ARHGAP26: variants seen among roughly 807,000 people sequenced by gnomAD.
ARHGAP26 encodes Rho GTPase activating protein 26.
A neutral mutation model predicts 104.8 loss-of-function variants in ARHGAP26; 38 were observed. That is an observed-to-expected ratio of 0.36 (90% CI 0.28 to 0.48). The LOEUF (loss-of-function observed/expected upper bound fraction) is 0.48. Among genes scored for constraint, ARHGAP26 ranks in the 20% least tolerant of loss-of-function variants. The pLI is 0.99. For missense variants in ARHGAP26, 704 were observed against 947.9 expected (o/e 0.74, Z 3.38); for synonymous variants, 341 against 340.0 (o/e 1.00, Z -0.03).
At chr5:143,100,525 A>G (rs753921231) in intron 17 of ARHGAP26, among the ~76,000 whole-genome samples, 19 of 152,242 alleles carry the variant, frequency 1.2e-4, no homozygotes, top group Non-Finnish European at 1.9e-4. Context: ...TTACAACTGG[A>G]CATTGTTTCT....
chr5:142,908,457 C>T (rs1018111064), intron 9 of ARHGAP26, among the ~76,000 whole-genome samples: 36 of 152,228 alleles, frequency 2.4e-4, no homozygotes, highest in African/African-American at 8.7e-4. Context: ...TCTGCATACT[C>T]CCAGGGCCTC....
chr5:143,208,734 C>A (rs113371099), intron 21 of ARHGAP26, among the ~76,000 whole-genome samples: 125 of 152,350 alleles, frequency 8.2e-4, no homozygotes, highest in African/African-American at 2.9e-3. Context: ...GCTCCCAGCC[C>A]AGAGCCTGAC....
chr5:142,875,844 G>A (rs376148773), intron 3 of ARHGAP26, among the ~76,000 whole-genome samples: 1 of 152,132 alleles, frequency 6.6e-6, no homozygotes, highest in African/African-American at 2.4e-5. Context: ...GGGCTCAAGC[G>A]ATCCTCCTGC....
At chr5:143,033,940 C>G (rs1248973284) in intron 12 of ARHGAP26, among the ~76,000 whole-genome samples, 2 of 152,176 alleles carry the variant, frequency 1.3e-5, no homozygotes, top group African/African-American at 4.8e-5. Context: ...AAATGCTTTC[C>G]AGTAGGCTCT....
chr5:143,195,221 C>T lies in ARHGAP26; in HGVS notation c.1989-11977C>T, dbSNP rs79126871. Among the ~76,000 whole-genome samples the T allele has an allele frequency of 6.2e-3, 950 of 152,308 alleles. 8 individuals carry two copies. Among genetic ancestry groups the T allele is most frequent in the African/African-American group, 0.022 (916 of 41,558 alleles). On this transcript the variant is annotated intron_variant, in intron 20 of 22. Transcript: ENST00000645722. ...AAGAGTTTAACTTAATCATCCTGGA[C>T]ATTGTCCTTGCAGAAGTGCTGCTTC... is the stretch of plus-strand genomic sequence containing the variant.
intron 9 of ARHGAP26, among the ~76,000 whole-genome samples, chr5:142,910,943 A>G (rs1761747730): frequency 6.6e-6 from 1 of 152,194 alleles, no homozygotes; most frequent in Non-Finnish European, 1.5e-5. Flanking sequence ...ATATCTTTTA[A>G]CCTAGATAAT....
At chr5:143,031,897 A>G (rs193004343) in intron 12 of ARHGAP26, among the ~76,000 whole-genome samples, 33 of 152,198 alleles carry the variant, frequency 2.2e-4, no homozygotes, top group African/African-American at 7.2e-4. Context: ...ATCCTTTTGC[A>G]GTAAGACAGC....
At chr5:143,102,778 C>T (rs1793443275) in intron 17 of ARHGAP26, among the ~76,000 whole-genome samples, 2 of 152,240 alleles carry the variant, frequency 1.3e-5, no homozygotes, top group Admixed American at 1.3e-4. Flanking sequence ...AGTTCTCCTC[C>T]TCCTTCTCCT....
At chr5:143,047,115 T>A (rs1050569591) in intron 14 of ARHGAP26, among the ~76,000 whole-genome samples, 14 of 152,230 alleles carry the variant, frequency 9.2e-5, no homozygotes, top group African/African-American at 2.4e-4. Flanking sequence ...CTATAACTTT[T>A]TAATCAGTCC....
intron 1 of ARHGAP26, among the ~76,000 whole-genome samples, chr5:142,872,519 C>T (rs989993526): frequency 2.6e-5 from 4 of 152,198 alleles, no homozygotes; most frequent in African/African-American, 9.7e-5. Flanking sequence ...GCACATTTGT[C>T]CTCAGCAGCC....
At chr5:143,162,436 A>G (rs937678586) in intron 20 of ARHGAP26, among the ~76,000 whole-genome samples, 18 of 152,348 alleles carry the variant, frequency 1.2e-4, no homozygotes, top group African/African-American at 4.3e-4. Context: ...ATAAACTGGC[A>G]AGAAATCAGA....
intron 1 of ARHGAP26, among the ~76,000 whole-genome samples, chr5:142,822,399 C>T (rs1036375397): frequency 6.6e-6 from 1 of 152,142 alleles, no homozygotes; most frequent in South Asian, 2.1e-4. Flanking sequence ...TCTGGCAGCT[C>T]CTCCAGTTAA....
chr5:142,810,262 C>T (rs1763803932), intron 1 of ARHGAP26, among the ~76,000 whole-genome samples: 1 of 152,076 alleles, frequency 6.6e-6, no homozygotes, highest in Admixed American at 6.6e-5. Context: ...GGAACAGGTC[C>T]CAGAGACCTC....
At chr5:143,059,185 G>A (rs1428918386) in intron 17 of ARHGAP26, among the ~76,000 whole-genome samples, 1 of 152,198 alleles carries the variant, frequency 6.6e-6, no homozygotes, top group African/African-American at 2.4e-5. Flanking sequence ...GAAGGTTCCA[G>A]GTGCACCCTC....
rs1778231958 is a variant in ARHGAP26, at chr5:143,008,016, CCA to C, written c.1108-6063_1108-6062del. Reference sequence around the variant, plus strand: ...TCCCATAGGGGATACATTTCCATCACCAGAAGAGGCTTTTTGTTTTGTTTTTT... The same window carrying C: ...TCCCATAGGGGATACATTTCCATCACGAAGAGGCTTTTTGTTTTGTTTTTT... On this transcript the variant is annotated intron_variant, in intron 11 of 22. Transcript: ENST00000645722. 3.3e-5 allele frequency among the ~76,000 whole-genome samples: 5 copies of C among 152,260 alleles called. No individual in the cohort carries two copies. In the South Asian group the frequency reaches 1.0e-3, roughly 32 times the overall value.
chr5:143,055,269 T>G (rs1785634188), intron 15 of ARHGAP26, among the ~76,000 whole-genome samples: 1 of 152,156 alleles, frequency 6.6e-6, no homozygotes, highest in Non-Finnish European at 1.5e-5. Context: ...GAAGATGGAA[T>G]TGGCTGGAAA....
chr5:143,175,936 A>T (rs1216367518), intron 20 of ARHGAP26, among the ~76,000 whole-genome samples: 1 of 152,158 alleles, frequency 6.6e-6, no homozygotes, highest in Admixed American at 6.5e-5. Context: ...AAACATGGTG[A>T]AACCCCTTCT....
chr5:143,184,001 G>T (rs566417735), intron 20 of ARHGAP26, among the ~76,000 whole-genome samples: 1 of 152,170 alleles, frequency 6.6e-6, no homozygotes, highest in Non-Finnish European at 1.5e-5. Context: ...CTTTGCCCCT[G>T]TTCAGAAACT....
Position 143,225,841 on chromosome 5 carries a change from T to C in ARHGAP26, c.*3395T>C. ...TGACAGATGGCTTCTCTGTTTCCCT[T>C]TGCCCAGCCAGGCTCCCCTCCTTCC... On this transcript the variant is annotated 3_prime_UTR_variant, in exon 23 of 23. Coordinates refer to ENST00000645722, the MANE Select transcript of ARHGAP26 (RefSeq NM_001135608.3). 2 of 227,888 alleles carry C rather than the reference T, an allele frequency of 8.8e-6. No homozygotes were observed. The highest frequency in any genetic ancestry group is 1.7e-5 in the Non-Finnish European group (2 of 114,360). The allele number at this position is 227,888 out of a possible 1,614,324, so 14.1% of individuals were successfully genotyped here. A position where few individuals can be genotyped will look rare whatever the true frequency, so the allele number is the denominator to read the frequency against.
Sources: gnomAD v4.1 joint callset for allele counts (sites outside exome capture counted in the v4.1 genomes callset) on GRCh38, gnomAD v4.1.1 for gene constraint, MANE v1.5 for transcripts, NCBI Gene and HGNC (gene_info 2026-07-23, HGNC 2026-07-21) for gene names.